Variants in NCKAP1 observed in about 807,000 individuals in gnomAD.
The protein encoded by NCKAP1 is NCK associated protein 1.
A neutral mutation model predicts 151.2 loss-of-function variants in NCKAP1; 21 were observed. That is an observed-to-expected ratio of 0.14 (90% CI 0.10 to 0.20). The LOEUF (loss-of-function observed/expected upper bound fraction) is 0.20. Among genes scored for constraint, NCKAP1 ranks in the 10% least tolerant of loss-of-function variants. The pLI, the probability that NCKAP1 is intolerant of heterozygous loss-of-function variation, is 1.00. For synonymous variants in NCKAP1, 484 were observed against 451.8 expected, an observed-to-expected ratio of 1.07 and a Z score of -0.90; for missense variants, 933 against 1,352.1, an observed-to-expected ratio of 0.69 and a Z score of 4.86.
intron 20 of NCKAP1, among the ~76,000 whole-genome samples, chr2:182,953,571 C>A (rs116194389): frequency 4.6e-4 from 70 of 152,214 alleles, no homozygotes; most frequent in African/African-American, 1.6e-3. Context: ...GAGGACGAGG[C>A]GGGCAGATGA....
chr2:182,951,110 C>A (rs2105820512), intron 23 of NCKAP1, among the ~76,000 whole-genome samples: 1 of 151,960 alleles, frequency 6.6e-6, no homozygotes, highest in Middle Eastern at 3.4e-3. Context: ...GGATTACAGG[C>A]ATGAGCCACC....
chr2:183,025,293 A>T (rs1698874619), intron 1 of NCKAP1, among the ~76,000 whole-genome samples: 1 of 152,198 alleles, frequency 6.6e-6, no homozygotes, highest in Non-Finnish European at 1.5e-5. Context: ...GAAAATAAAG[A>T]CTACATGCAG....
Position 182,912,313 on chromosome 2 carries a change from T to C in NCKAP1, c.*13389A>G, listed in dbSNP as rs1305613006. 2.0e-5 allele frequency: 3 copies of C among 152,186 alleles called. No homozygotes were observed. In the East Asian group the frequency reaches 5.8e-4, roughly 29 times the overall value. 9.4% of individuals were successfully genotyped at this position (152,186 alleles called of 1,614,324 possible). ...CCCATTGCTAAAAATCAACCAACTA[T>C]AAACAGTTACCACAGTTCTGTTTTT... On this transcript the variant is annotated 3_prime_UTR_variant, in exon 31 of 31. Coordinates refer to ENST00000361354, the MANE Select transcript of NCKAP1 (RefSeq NM_013436.5).
At chr2:183,030,454 A>T (rs1166555245) in intron 1 of NCKAP1, among the ~76,000 whole-genome samples, 1 of 152,208 alleles carries the variant, frequency 6.6e-6, no homozygotes, top group Admixed American at 6.5e-5. Flanking sequence ...GAACAAAATG[A>T]TTTTCTAGTA....
At chr2:183,026,759 C>A (rs1698905572) in intron 1 of NCKAP1, among the ~76,000 whole-genome samples, 1 of 152,074 alleles carries the variant, frequency 6.6e-6, no homozygotes, top group South Asian at 2.1e-4. Flanking sequence ...TTAGTACTTA[C>A]CTCACAGGGT....
At chr2:182,956,335 C>T (rs528656693) in intron 20 of NCKAP1, 127 bp downstream of exon 20, 181 of 1,233,024 alleles carry the variant, frequency 1.5e-4, no homozygotes, top group African/African-American at 2.0e-4. Flanking sequence ...CCACCACGCC[C>T]GGCCCGGTTC....
intron 15 of NCKAP1, among the ~76,000 whole-genome samples, chr2:182,968,097 A>C (rs1016670901): frequency 4.6e-5 from 7 of 152,246 alleles, no homozygotes; most frequent in African/African-American, 1.7e-4. Context: ...AGATTCAACC[A>C]GATGGTGAAC....
At position 183,023,928 on chromosome 2, in the gene NCKAP1, C is replaced by A. The variant is rs1382740936; in HGVS notation, c.109-12G>T. On this transcript the variant is annotated splice_polypyrimidine_tract_variant and intron_variant, in intron 1 of 30. Transcript: ENST00000361354. Reference sequence around the variant, plus strand: ...GGGTCTCCACATGCCTATAAAACAACAGTAATAAAAAAAAGTGAAATGCAC... The same window carrying A: ...GGGTCTCCACATGCCTATAAAACAAAAGTAATAAAAAAAAGTGAAATGCAC... 3 of 1,544,368 alleles carry A rather than the reference C, an allele frequency of 1.9e-6. No individual in the cohort carries two copies. Among genetic ancestry groups the A allele is most frequent in the Admixed American group, 2.0e-5 (1 of 50,730 alleles).
Position 182,923,873 on chromosome 2 carries a change from A to G in NCKAP1, c.*1829T>C, listed in dbSNP as rs960729831. On this transcript the variant is annotated 3_prime_UTR_variant, in exon 31 of 31. Transcript: ENST00000361354. The stretch of plus-strand genomic sequence containing the variant: ...AAAATTTGGACAAAAACTTCAGGTG[A>G]CTATGAGGAGCGATTTTTTTCTCAG... 2 of 152,170 alleles carry G rather than the reference A, an allele frequency of 1.3e-5. No homozygotes were observed. The highest frequency in any genetic ancestry group is 4.8e-5 in the African/African-American group (2 of 41,444). The allele number at this position is 152,170 out of a possible 1,614,324, so 9.4% of individuals were successfully genotyped here.
chr2:182,977,091 A>G (rs568603956), intron 14 of NCKAP1, 140 bp from the exon 15 acceptor site: 2 of 481,772 alleles, frequency 4.2e-6, no homozygotes, highest in East Asian at 3.5e-5. Context: ...TCTTAAAGAG[A>G]TATATGTACA....
intron 24 of NCKAP1, among the ~76,000 whole-genome samples, chr2:182,941,048 T>A (rs1029881550): frequency 1.3e-5 from 2 of 152,116 alleles, no homozygotes; most frequent in Non-Finnish European, 2.9e-5. Flanking sequence ...TGGCTTTAGT[T>A]TTCTTCTGGA....
rs745895485 is a variant in NCKAP1 at position 183,038,139 on chromosome 2, C to A, written c.-40G>T. The A allele has an allele frequency of 9.6e-6, 14 of 1,457,512 alleles. No individual in the cohort carries two copies. In the South Asian group the frequency reaches 1.7e-4, roughly 17 times the overall value. The allele number at this position is 1,457,512 out of a possible 1,614,324, so 90.3% of individuals were successfully genotyped here. A position where few individuals can be genotyped will look rare whatever the true frequency, so the allele number is the denominator to read the frequency against. The stretch of plus-strand genomic sequence containing the variant: ...CGCCGCCGCCGCCGGCCGCCTCGCG[C>A]CCAGTCACGGGCCCGCGGCCTTCGC... On this transcript the variant is annotated 5_prime_UTR_variant, in exon 1 of 31. Coordinates refer to ENST00000361354, the MANE Select transcript of NCKAP1 (RefSeq NM_013436.5).
In NCKAP1 at chr2:182,911,222, G is replaced by A. The variant is rs1252266684; in HGVS notation, c.*14480C>T. 1 of 152,538 alleles carries A rather than the reference G, an allele frequency of 6.6e-6. No individual in the cohort carries two copies. The highest frequency in any genetic ancestry group is 1.5e-5 in the Non-Finnish European group (1 of 68,134). 9.4% of individuals were successfully genotyped at this position (152,538 alleles called of 1,614,324 possible). ...CTGACCAGCATTCCTTCCTATTAAG[G>A]GAGTCCACTGACCATGGAGTGGTTC... On this transcript the variant is annotated 3_prime_UTR_variant, in exon 31 of 31. Coordinates refer to ENST00000361354, the MANE Select transcript of NCKAP1 (RefSeq NM_013436.5).
At chr2:182,985,877 A>T (rs1698047024) in intron 10 of NCKAP1, among the ~76,000 whole-genome samples, 1 of 152,234 alleles carries the variant, frequency 6.6e-6, no homozygotes, top group Non-Finnish European at 1.5e-5. Context: ...TAGTACAAAA[A>T]TCATATTGGT....
intron 23 of NCKAP1, among the ~76,000 whole-genome samples, chr2:182,946,387 C>T (rs1037265647): frequency 2.7e-5 from 4 of 150,646 alleles, no homozygotes; most frequent in African/African-American, 9.9e-5. Flanking sequence ...GGCGACAGAG[C>T]GAGACTCTGT....
chr2:183,029,821 GA>G (rs71405500), intron 1 of NCKAP1, among the ~76,000 whole-genome samples: 5,833 of 50,628 alleles, frequency 0.12, 79 homozygotes, highest in Non-Finnish European at 0.15. Flanking sequence ...ACCCTGACTC[GA>G]AAAAAAAAAA....
intron 20 of NCKAP1, among the ~76,000 whole-genome samples, chr2:182,956,064 CAG>C (rs1394413430): frequency 6.6e-6 from 1 of 152,140 alleles, no homozygotes; most frequent in African/African-American, 2.4e-5. Context: ...ATTCTTGAGA[CAG>C]AGTCTTGTTC....
chr2:182,999,487 A>C (rs1051170286), intron 6 of NCKAP1, among the ~76,000 whole-genome samples: 2 of 152,244 alleles, frequency 1.3e-5, no homozygotes, highest in African/African-American at 4.8e-5. Flanking sequence ...AATATTAAAA[A>C]GTCAAAAAAA....
chr2:183,023,758 T>A (rs770140961), intron 2 of NCKAP1, 48 bp downstream of exon 2: 71 of 1,453,980 alleles, frequency 4.9e-5, no homozygotes, highest in Non-Finnish European at 6.5e-5. Flanking sequence ...CCACTGTTTC[T>A]CTAAAAGATG....
Sources: gnomAD v4.1 joint callset for allele counts (sites outside exome capture counted in the v4.1 genomes callset) on GRCh38, gnomAD v4.1.1 for gene constraint, MANE v1.5 for transcripts, NCBI Gene and HGNC (gene_info 2026-07-23, HGNC 2026-07-21) for gene names.